BPTF: variants seen among roughly 807,000 people sequenced by gnomAD.
BPTF encodes the protein bromodomain PHD finger transcription factor, also known as nucleosome-remodeling factor subunit BPTF.
In BPTF, 18 loss-of-function variants were observed where a neutral mutation model predicts 292.5. The observed-to-expected ratio is 0.06, with a 90% CI of 0.04 to 0.09. The LOEUF (loss-of-function observed/expected upper bound fraction) is 0.09. Ranked by LOEUF, BPTF falls within the 10% of genes least tolerant of loss-of-function variation. The pLI, the probability that BPTF is intolerant of heterozygous loss-of-function variation, is 1.00. For missense variants in BPTF, 2,726 were observed against 3,498.7 expected (o/e 0.78, Z 5.57); for synonymous variants, 1,225 against 1,251.9 (o/e 0.98, Z 0.45).
At chr17:67,948,328 T>C (rs781839379) in intron 23 of BPTF, 22 bp downstream of exon 23, 1 of 1,588,176 alleles carries the variant, frequency 6.3e-7, no homozygotes, top group South Asian at 1.1e-5. Context: ...CATCCTTTTC[T>C]TCTGTGTCCA....
intron 1 of BPTF, among the ~76,000 whole-genome samples, chr17:67,850,656 T>C (rs904041742): frequency 6.6e-6 from 1 of 152,124 alleles, no homozygotes; most frequent in African/African-American, 2.4e-5. Context: ...CATGAGCCAC[T>C]GTACCTGGCC....
rs931932728 is a variant in BPTF at position 67,895,028 on chromosome 17, A to G, written c.2543+863A>G. On this transcript the variant is annotated intron_variant, in intron 7 of 27. Transcript: ENST00000306378. ...ATTTAAGGGCATAAAGCAAAAAGTA[A>G]GAACCATTTTATCTTCTCTGCCCCA... Among the ~76,000 whole-genome samples, 7 of 152,364 alleles carry G rather than the reference A, an allele frequency of 4.6e-5. No individual in the cohort carries two copies. The South Asian group carries it at 1.4e-3, about 32-fold the overall frequency.
At position 67,911,255 on chromosome 17, in the gene BPTF, A is replaced by G. The variant is rs766229534; in HGVS notation, c.3371A>G (p.Gln1124Arg). 8.7e-6 allele frequency: 14 copies of G among 1,614,098 alleles called. No homozygotes were observed. The highest frequency in any genetic ancestry group is 1.7e-5 in the Admixed American group (1 of 60,028). The change falls in exon 11 of 28, where the codon CAG (glutamine) becomes CGG (arginine). Residue 1124 changes from glutamine to arginine, a missense_variant. By Grantham distance (43) the Gln-to-Arg change is conservative. Transcript: ENST00000306378. ...GCQSDSMRQE[Q>R]SPNANNDQPE... ...CAGAGTGACTCGATGAGACAAGAAC[A>G]GAGCCCAAATGCAAATAATGATCAA...
intron 3 of BPTF, among the ~76,000 whole-genome samples, chr17:67,868,874 A>C (rs2059542369): frequency 6.6e-6 from 1 of 152,250 alleles, no homozygotes; most frequent in Non-Finnish European, 1.5e-5. Context: ...GCACAAATAT[A>C]CTTTGTCTTC....
At chr17:67,940,776 C>T in intron 19 of BPTF, 120 bp downstream of exon 19, 1 of 1,132,476 alleles carries the variant, frequency 8.8e-7, no homozygotes, top group South Asian at 1.6e-5. Context: ...GAAATGGTTG[C>T]TTCCTGGAGT....
In BPTF at chr17:67,843,126, A is replaced by AGG. The variant is rs1300014821; in HGVS notation, c.614-10814_614-10813insGG. Reference sequence around the variant, plus strand: ...TATATATGTAGATGTATGTAGATATATACCTATATCTACATACATATAAAT... The same window carrying AGG: ...TATATATGTAGATGTATGTAGATATAGGTACCTATATCTACATACATATAAAT... On this transcript the variant is annotated intron_variant, in intron 1 of 27. Coordinates refer to ENST00000306378, the MANE Select transcript of BPTF (RefSeq NM_182641.4). Among the ~76,000 whole-genome samples the AGG allele has an allele frequency of 4.0e-4, 60 of 150,674 alleles. No individual in the cohort carries two copies. In the Admixed American group the frequency reaches 4.0e-3, roughly 10 times the overall value.
chr17:67,970,448 TCTC>T (rs1361928658), intron 26 of BPTF, among the ~76,000 whole-genome samples: 2 of 151,966 alleles, frequency 1.3e-5, no homozygotes, highest in Non-Finnish European at 2.9e-5. Flanking sequence ...TTAAACATAA[TCTC>T]CTATATCTCC....
Position 67,854,066 on chromosome 17 carries a change from T to C in BPTF, c.740T>C (p.Ile247Thr). Residue 247 changes from isoleucine to threonine, a missense_variant, in exon 2 of 28, where the codon ATT becomes ACT. Around this residue, in one of 22 missense-constraint regions of BPTF, gnomAD observed 102 missense variants for 212.6 expected, o/e 0.48. Transcript: ENST00000306378. The surrounding 1 kb of genome is among the most constrained non-coding windows in gnomAD (Gnocchi z 5.6). ...CCTAATGAGCATATAATGAATGTCA[T>C]TGCCATTTACGAGGTACTGCGGAAC... ...MVPNEHIMNV[I>T]AIYEVLRNFG... is the part of the protein sequence containing the mutation. 1.9e-6 allele frequency: 3 copies of C among 1,614,228 alleles called. No individual in the cohort carries two copies. The highest frequency in any genetic ancestry group is 2.5e-6 in the Non-Finnish European group (3 of 1,180,040).
At chr17:67,893,958 C>T (rs946497005) in intron 6 of BPTF, 76 bp from the exon 7 acceptor site, 1 of 1,549,500 alleles carries the variant, frequency 6.5e-7, no homozygotes, top group Admixed American at 1.8e-5. Context: ...AGATGGAGGC[C>T]AAAGTTACAA....
chr17:67,893,938 A>T, intron 6 of BPTF, 96 bp from the exon 7 acceptor site: 1 of 1,449,146 alleles, frequency 6.9e-7, no homozygotes, highest in Non-Finnish European at 9.5e-7. Context: ...TCGTCTTTAT[A>T]CCTGGAATCA....
chr17:67,917,131 C>CCTTTTTTTTTTTTTTTTTTTTTTTTTTT lies in BPTF; in HGVS notation c.5304-1583_5304-1582insCTTTTTTTTTTTTTTTTTTTTTTTTTTT, dbSNP rs2063065953. 9.5e-5 allele frequency among the ~76,000 whole-genome samples: 10 copies of CCTTTTTTTTTTTTTTTTTTTTTTTTTTT among 105,784 alleles called. 1 individual carries two copies. Among genetic ancestry groups the CCTTTTTTTTTTTTTTTTTTTTTTTTTTT allele is most frequent in the Admixed American group, 3.2e-4 (3 of 9,510 alleles). 69.4% of individuals were successfully genotyped at this position (105,784 alleles called of 152,430 possible). ...GATAAGTAACTAATATGGTATTGTC[C>CCTTTTTTTTTTTTTTTTTTTTTTTTTTT]TTTTTTTTTTTTTTTTTTTGAGATA... On this transcript the variant is annotated intron_variant, in intron 11 of 27. Transcript: ENST00000306378.
At chr17:67,859,184 C>G (rs1159098944) in intron 2 of BPTF, among the ~76,000 whole-genome samples, 3 of 152,142 alleles carry the variant, frequency 2.0e-5, no homozygotes, top group African/African-American at 7.2e-5. Context: ...GTCTCACTGT[C>G]GCCCAGGCTA....
At chr17:67,891,514 AGTTT>A (rs1240217892) in intron 4 of BPTF, 1 of 179,418 alleles carries the variant, frequency 5.6e-6, no homozygotes, top group African/African-American at 2.3e-5. Flanking sequence ...ACACTTTGTT[AGTTT>A]GCTTTTTGAG....
intron 23 of BPTF, among the ~76,000 whole-genome samples, chr17:67,952,730 C>CATTAAGGTTCACTCCTCGTG (rs1568163214): frequency 6.6e-6 from 1 of 151,994 alleles, no homozygotes. Context: ...CCATAGTTTA[C>CATTAAGGTTCACTCCTCGTG]ATTAAGGTTC....
chr17:67,910,863 T>C lies in BPTF; in HGVS notation c.2993-14T>C, dbSNP rs1019609028. 4 of 1,529,450 alleles carry C rather than the reference T, an allele frequency of 2.6e-6. No homozygotes were observed. In the African/African-American group the frequency reaches 5.6e-5, roughly 21 times the overall value. 94.7% of individuals were successfully genotyped at this position (1,529,450 alleles called of 1,614,324 possible). ...AGTAAAAATTACATTTATATAAATG[T>C]CTTTGTTTCACAGATGTGAAGGAGC... On this transcript the variant is annotated splice_polypyrimidine_tract_variant and intron_variant, in intron 10 of 27. Transcript: ENST00000306378.
intron 18 of BPTF, among the ~76,000 whole-genome samples, chr17:67,933,918 G>T (rs1437726024): frequency 1.3e-5 from 2 of 151,668 alleles, no homozygotes; most frequent in East Asian, 3.9e-4. Context: ...AATTAGCCAG[G>T]CCTGGTGGTG....
intron 6 of BPTF, 124 bp downstream of exon 6, chr17:67,893,849 A>G (rs1370014003): frequency 2.6e-6 from 3 of 1,145,224 alleles, no homozygotes; most frequent in African/African-American, 3.1e-5. Context: ...TGGTCAGCAG[A>G]CAGGACATTA....
intron 21 of BPTF, among the ~76,000 whole-genome samples, chr17:67,947,408 T>C (rs1555676027): frequency 2.0e-5 from 3 of 152,212 alleles, no homozygotes; most frequent in Non-Finnish European, 2.9e-5. Context: ...AAATTTCAGC[T>C]GTATTACTTA....
At chr17:67,883,448 C>T (rs964707139) in intron 4 of BPTF, among the ~76,000 whole-genome samples, 4 of 143,524 alleles carry the variant, frequency 2.8e-5, no homozygotes, top group African/African-American at 7.4e-5. Flanking sequence ...AGAGCATTTA[C>T]ATTATTATAA....
Sources: allele counts gnomAD v4.1 joint callset (sites outside exome capture counted in the v4.1 genomes callset), GRCh38; gene constraint gnomAD v4.1.1; regional missense constraint gnomAD v4.1.1; non-coding constraint Gnocchi (gnomAD v3.1); transcripts MANE v1.5; gene names NCBI Gene and HGNC (gene_info 2026-07-23, HGNC 2026-07-21).